Variants in EDA2R observed in about 807,000 individuals in gnomAD.
The protein encoded by EDA2R is ectodysplasin A2 receptor.
Under a neutral mutation model 20.1 loss-of-function variants are expected in EDA2R, and 26 were observed. The observed-to-expected ratio is 1.30, with a 90% CI of 0.95 to 1.80. EDA2R has a LOEUF of 1.80. Among genes scored for constraint, EDA2R ranks in the 40% most tolerant of loss-of-function variants. The pLI is 0.00. For synonymous variants in EDA2R, 114 were observed against 88.7 expected (o/e 1.29, Z -1.60); for missense variants, 277 against 228.7 (o/e 1.21, Z -1.36).
intron 1 of EDA2R, among the ~76,000 whole-genome samples, chrX:66,628,625 C>G (rs1452283594): frequency 9.2e-6 from 1 of 108,270 alleles, no homozygotes; most frequent in Non-Finnish European, 1.9e-5. Flanking sequence ...TACACCCCCC[C>G]AGCTTAAATC....
At chrX:66,633,814 T>C (rs1463196055) in intron 1 of EDA2R, among the ~76,000 whole-genome samples, 2 of 112,063 alleles carry the variant, frequency 1.8e-5, no homozygotes, top group Non-Finnish European at 3.8e-5. Context: ...GGCTTTTGGC[T>C]GAGTTGTCCC....
intron 1 of EDA2R, among the ~76,000 whole-genome samples, chrX:66,624,933 G>T (rs1932920557): frequency 8.9e-6 from 1 of 111,859 alleles, no homozygotes; most frequent in South Asian, 3.8e-4. Context: ...AGTCTAATTT[G>T]CAGGAGAAGT....
intron 1 of EDA2R, among the ~76,000 whole-genome samples, chrX:66,619,844 T>C (rs1050672096): frequency 8.9e-6 from 1 of 111,817 alleles, no homozygotes; most frequent in Non-Finnish European, 1.9e-5. Context: ...GGATTTTTTG[T>C]CTGTTTCTGA....
intron 5 of EDA2R, among the ~76,000 whole-genome samples, chrX:66,600,715 G>A (rs1928432104): frequency 8.9e-6 from 1 of 111,844 alleles, no homozygotes; most frequent in African/African-American, 3.3e-5. Context: ...CTTCATGCAT[G>A]GATCTGGTTC....
intron 1 of EDA2R, among the ~76,000 whole-genome samples, chrX:66,621,176 C>T (rs1173067902): frequency 3.6e-5 from 4 of 110,662 alleles, no homozygotes; most frequent in African/African-American, 1.3e-4. Flanking sequence ...ACTTGGGAGG[C>T]TGAGGCAGGA....
At chrX:66,600,706 T>C (rs1478702071) in intron 5 of EDA2R, among the ~76,000 whole-genome samples, 1 of 111,906 alleles carries the variant, frequency 8.9e-6, no homozygotes, top group Non-Finnish European at 1.9e-5. Context: ...TAATACCCCC[T>C]TCATGCATGG....
At chrX:66,598,557 T>A (rs1426353728) in intron 6 of EDA2R, among the ~76,000 whole-genome samples, 1 of 111,960 alleles carries the variant, frequency 8.9e-6, no homozygotes, top group Non-Finnish European at 1.9e-5. Flanking sequence ...GAGCAAGGAC[T>A]ACACAAACTC....
intron 5 of EDA2R, 36 bp downstream of exon 5, chrX:66,602,597 C>G: frequency 1.7e-6 from 2 of 1,162,372 alleles, no homozygotes; most frequent in Non-Finnish European, 2.3e-6. Context: ...GAGCCTTGTT[C>G]CTGATTCATG....
Position 66,604,512 on chromosome X carries a change from T to G in EDA2R, c.267-6A>C, listed in dbSNP as rs747521600. 1 of 1,200,355 alleles carries G rather than the reference T, an allele frequency of 8.3e-7. No individual in the cohort carries two copies. Among genetic ancestry groups the G allele is most frequent in the Admixed American group, 2.2e-5 (1 of 45,667 alleles). ...TGCGTGTCTTTCGGTAGAACCTGTGTTCAGAGCAATTAGGAATGGCAGGGT... is the reference window on the plus strand; with the variant it reads ...TGCGTGTCTTTCGGTAGAACCTGTGGTCAGAGCAATTAGGAATGGCAGGGT... On this transcript the variant is annotated splice_region_variant and splice_polypyrimidine_tract_variant and intron_variant, in intron 3 of 6. Coordinates refer to ENST00000374719, the MANE Select transcript of EDA2R (RefSeq NM_021783.5).
At chrX:66,604,304 C>T in intron 4 of EDA2R, 117 bp downstream of exon 4, 1 of 548,660 alleles carries the variant, frequency 1.8e-6, no homozygotes, top group Non-Finnish European at 2.8e-6. Flanking sequence ...AATCTGATTC[C>T]CTTGCCACTC....
In EDA2R at chrX:66,597,820, C is replaced by T; in HGVS notation, c.*284G>A. Reference sequence around the variant, plus strand: ...CCTACCCCATTCACTGTCCTCTCTCCTCTTCTCTATAATCAAGTTGAGCTA... The same window carrying T: ...CCTACCCCATTCACTGTCCTCTCTCTTCTTCTCTATAATCAAGTTGAGCTA... On this transcript the variant is annotated 3_prime_UTR_variant, in exon 7 of 7. Coordinates refer to ENST00000374719, the MANE Select transcript of EDA2R (RefSeq NM_021783.5). The T allele has an allele frequency of 5.9e-6, 1 of 169,551 alleles. No individual in the cohort carries two copies. The highest frequency in any genetic ancestry group is 1.1e-5 in the Non-Finnish European group (1 of 89,232). The allele number at this position is 169,551 out of a possible 1,213,427, so 14.0% of individuals were successfully genotyped here.
intron 5 of EDA2R, among the ~76,000 whole-genome samples, chrX:66,602,397 C>T (rs1282004485): frequency 1.8e-5 from 2 of 110,908 alleles, no homozygotes; most frequent in African/African-American, 6.6e-5. Context: ...TTTAAAATCC[C>T]CTGAAACATA....
At chrX:66,612,490 TGTTA>T (rs1930944787) in intron 2 of EDA2R, among the ~76,000 whole-genome samples, 1 of 110,790 alleles carries the variant, frequency 9.0e-6, no homozygotes, top group African/African-American at 3.3e-5. Flanking sequence ...AAAAGTAACG[TGTTA>T]GTTTTTCATG....
At chrX:66,620,312 A>AT (rs1318942463) in intron 1 of EDA2R, among the ~76,000 whole-genome samples, 21 of 111,585 alleles carry the variant, frequency 1.9e-4, no homozygotes, top group Non-Finnish European at 5.6e-5. Context: ...TGGTCAATGG[A>AT]TTTTTTAAAG....
At chrX:66,604,962 C>A in intron 3 of EDA2R, 86 bp downstream of exon 3, 1 of 825,942 alleles carries the variant, frequency 1.2e-6, no homozygotes. Flanking sequence ...AAGAATATTT[C>A]GACTAAGTTC....
At chrX:66,599,349 C>T in intron 6 of EDA2R, 125 bp downstream of exon 6, 1 of 804,201 alleles carries the variant, frequency 1.2e-6, no homozygotes, top group Non-Finnish European at 1.7e-6. Context: ...CCAAAGTGTT[C>T]CTAGCTTGCT....
intron 1 of EDA2R, among the ~76,000 whole-genome samples, chrX:66,625,626 G>T (rs1251851344): frequency 9.0e-6 from 1 of 111,474 alleles, no homozygotes. Flanking sequence ...GAGTTCTAGG[G>T]CCCCGTGTAC....
Position 66,625,301 on chromosome X carries a change from G to A in EDA2R, c.-10-9271C>T, listed in dbSNP as rs774444229. The stretch of plus-strand genomic sequence containing the variant: ...TCAAGCCCTACTCACCCATTGCCTG[G>A]AAACAGACTTGGGACTGTTATGGGA... On this transcript the variant is annotated intron_variant, in intron 1 of 6. Coordinates refer to ENST00000374719, the MANE Select transcript of EDA2R (RefSeq NM_021783.5). 4.5e-5 allele frequency among the ~76,000 whole-genome samples: 5 copies of A among 111,397 alleles called. No homozygotes were observed. In the South Asian group the frequency reaches 1.9e-3, roughly 43 times the overall value.
chrX:66,610,620 T>C lies in EDA2R; in HGVS notation c.87+5314A>G, dbSNP rs916698027. 2.9e-4 allele frequency among the ~76,000 whole-genome samples: 33 copies of C among 111,878 alleles called. 1 individual carries two copies. Among genetic ancestry groups the C allele is most frequent in the Non-Finnish European group, 1.7e-4 (9 of 53,169 alleles). ...TTATTGGTTAACTCAGAAAACATTT[T>C]TGAAGCAACTACAATGCATGAGGAT... On this transcript the variant is annotated intron_variant, in intron 2 of 6. Transcript: ENST00000374719.
Sources: gnomAD v4.1 joint callset for allele counts (sites outside exome capture counted in the v4.1 genomes callset) on GRCh38, gnomAD v4.1.1 for gene constraint, MANE v1.5 for transcripts, NCBI Gene and HGNC (gene_info 2026-07-23, HGNC 2026-07-21) for gene names.